The following ERCC8 variants were observed in gnomAD, a reference collection of about 807,000 sequenced individuals.
ERCC8 encodes ERCC excision repair 8, CSA ubiquitin ligase complex subunit, also known as DNA excision repair protein ERCC-8.
Under a neutral mutation model 54.9 loss-of-function variants are expected in ERCC8, and 52 were observed. That is an observed-to-expected ratio of 0.95 (90% CI 0.76 to 1.19). ERCC8 has a LOEUF of 1.19. ERCC8 is among the 50% of genes most tolerant of loss of function. The probability of loss-of-function intolerance (pLI) is 0.00; values close to 1 mark genes in which losing one functional copy is unlikely to be tolerated. For synonymous variants in ERCC8, 146 were observed against 157.2 expected, an observed-to-expected ratio of 0.93 and a Z score of 0.53; for missense variants, 514 against 466.1, an observed-to-expected ratio of 1.10 and a Z score of -0.95.
At chr5:60,909,199 T>C (rs1162168493) in intron 4 of ERCC8, among the ~76,000 whole-genome samples, 2 of 115,586 alleles carry the variant, frequency 1.7e-5, no homozygotes, top group Non-Finnish European at 3.3e-5. Context: ...ACAAAGGATA[T>C]CTGCCTGAAC....
At chr5:60,911,799 T>C (rs946628509) in intron 4 of ERCC8, among the ~76,000 whole-genome samples, 3 of 152,234 alleles carry the variant, frequency 2.0e-5, no homozygotes, top group East Asian at 1.9e-4. Flanking sequence ...CAGTTTCAGC[T>C]TTCTACATAT....
chr5:60,922,380 G>C (rs1438930948), intron 2 of ERCC8, among the ~76,000 whole-genome samples: 1 of 151,852 alleles, frequency 6.6e-6, no homozygotes, highest in East Asian at 1.9e-4. Context: ...ATCATTTCAA[G>C]TTTACTTCCA....
chr5:60,936,494 TTTG>T (rs1489490503), intron 1 of ERCC8, among the ~76,000 whole-genome samples: 1 of 152,170 alleles, frequency 6.6e-6, no homozygotes, highest in Non-Finnish European at 1.5e-5. Context: ...TCTTTTGTGT[TTTG>T]TTGTTGTTGT....
At chr5:60,916,085 C>T (rs764310097) in intron 4 of ERCC8, among the ~76,000 whole-genome samples, 1 of 152,020 alleles carries the variant, frequency 6.6e-6, no homozygotes, top group African/African-American at 2.4e-5. Context: ...CTTCAAATGT[C>T]TTCTGCTTCA....
intron 9 of ERCC8, 98 bp downstream of exon 9, chr5:60,898,177 TA>T: frequency 1.5e-6 from 2 of 1,332,828 alleles, no homozygotes; most frequent in Non-Finnish European, 2.1e-6. Flanking sequence ...CAGCTGTGAT[TA>T]AAAGGGAATA....
chr5:60,936,382 A>G (rs1580049796), intron 1 of ERCC8, among the ~76,000 whole-genome samples: 1 of 152,188 alleles, frequency 6.6e-6, no homozygotes, highest in East Asian at 1.9e-4. Context: ...TTTGTTTCTA[A>G]TTGAATTTAC....
At chr5:60,903,766 A>AGGAAAC in intron 5 of ERCC8, 50 bp from the exon 6 acceptor site, 1 of 1,564,870 alleles carries the variant, frequency 6.4e-7, no homozygotes, top group Non-Finnish European at 8.8e-7. Flanking sequence ...GTCATCATCA[A>AGGAAAC]AAGGAAACAA....
intron 3 of ERCC8, 57 bp from the exon 4 acceptor site, chr5:60,918,445 T>C: frequency 6.7e-7 from 1 of 1,495,546 alleles, no homozygotes; most frequent in Non-Finnish European, 9.2e-7. Flanking sequence ...TCAAAACTGG[T>C]ACTATATTAA....
rs182745004 is a variant in ERCC8, at chr5:60,936,188, T to C, written c.78-7229A>G. ...GGTAACTTTTTTATTACCATTTCAA[T>C]CTCATTGCTTGTTGCTGGTCTGTCC... is the stretch of plus-strand genomic sequence containing the variant. On this transcript the variant is annotated intron_variant, in intron 1 of 11. Coordinates refer to ENST00000676185, the MANE Select transcript of ERCC8 (RefSeq NM_000082.4). 5.3e-5 allele frequency among the ~76,000 whole-genome samples: 8 copies of C among 152,332 alleles called. No homozygotes were observed. In the East Asian group the frequency reaches 1.3e-3, roughly 26 times the overall value.
intron 11 of ERCC8, among the ~76,000 whole-genome samples, chr5:60,879,157 G>A (rs554566291): frequency 4.6e-5 from 7 of 152,310 alleles, no homozygotes; most frequent in Admixed American, 3.3e-4. Context: ...AGGTTGTTCA[G>A]TTTCCATGTA....
chr5:60,892,315 G>C (rs1471948499), intron 9 of ERCC8: 2 of 558,166 alleles, frequency 3.6e-6, no homozygotes, highest in East Asian at 9.5e-5. Context: ...TTTTGAGTGG[G>C]TCTGTGTCAC....
rs555505763 is a variant in ERCC8, at chr5:60,944,693, G to A, written c.77+239C>T. ...TTAGGTTTATAGTGTCTTCACCTGA[G>A]CCCGCGGGGGAACCCCCCCCCCACC... On this transcript the variant is annotated intron_variant, in intron 1 of 11. Transcript: ENST00000676185. Among the ~76,000 whole-genome samples the A allele has an allele frequency of 2.1e-3, 312 of 148,998 alleles. 1 individual carries two copies. Among genetic ancestry groups the A allele is most frequent in the Admixed American group, 4.7e-3 (71 of 14,990 alleles).
chr5:60,939,528 C>T (rs367680344), intron 1 of ERCC8, among the ~76,000 whole-genome samples: 28 of 152,140 alleles, frequency 1.8e-4, no homozygotes, highest in Middle Eastern at 6.8e-3. Context: ...GACAGAGTCT[C>T]GCTCTGTCAC....
chr5:60,940,893 C>T (rs1016184910), intron 1 of ERCC8, among the ~76,000 whole-genome samples: 1 of 152,152 alleles, frequency 6.6e-6, no homozygotes, highest in African/African-American at 2.4e-5. Flanking sequence ...CAAAATTTCC[C>T]TGCATATAAA....
chr5:60,934,009 AT>A (rs1749990082), intron 1 of ERCC8, among the ~76,000 whole-genome samples: 1 of 152,084 alleles, frequency 6.6e-6, no homozygotes, highest in Admixed American at 6.6e-5. Flanking sequence ...GGCTGGTTCT[AT>A]ATTTTTGCAC....
rs1195296048 is a variant in ERCC8, at chr5:60,922,129, A to G, written c.200T>C (p.Val67Ala). 8 of 1,609,602 alleles carry G rather than the reference A, an allele frequency of 5.0e-6. No homozygotes were observed. In the African/African-American group the frequency reaches 1.1e-4, roughly 22 times the overall value. ...GTTCTCAAGGTCATAAAGTACAATC[A>G]CACCATCTGAACCACCTGATAACAT... ...RYMLSGGSDGVIVLYDLENSS... is the reference protein window; with the variant it reads ...RYMLSGGSDGAIVLYDLENSS... The change falls in exon 3 of 12, where the codon GTG becomes GCG. Residue 67 changes from valine (V) to alanine (A), a missense_variant. Physicochemically the swap from Val to Ala is moderately conservative, Grantham distance 64. Transcript: ENST00000676185.
rs17392014 is a variant in ERCC8 at position 60,869,373 on chromosome 5, G to A, written c.*5242C>T. On this transcript the variant is annotated 3_prime_UTR_variant, in exon 12 of 12. Coordinates refer to ENST00000676185, the MANE Select transcript of ERCC8 (RefSeq NM_000082.4). Reference sequence around the variant, plus strand: ...TATTTTTCTACCACTGTCTCATTTCGATTTTAAATAATAAAGCTAATGGTG... The same window carrying A: ...TATTTTTCTACCACTGTCTCATTTCAATTTTAAATAATAAAGCTAATGGTG... Among the ~76,000 whole-genome samples the A allele has an allele frequency of 0.39, 58,861 of 151,880 alleles. 12,399 individuals carry two copies. The highest frequency in any genetic ancestry group is 0.8 in the East Asian group (4,150 of 5,176).
At chr5:60,918,516 G>T in intron 3 of ERCC8, 128 bp from the exon 4 acceptor site, 1 of 767,278 alleles carries the variant, frequency 1.3e-6, no homozygotes, top group Non-Finnish European at 2.2e-6. Context: ...ACATGCCTGT[G>T]TCCAAGCTGT....
intron 10 of ERCC8, among the ~76,000 whole-genome samples, chr5:60,889,307 TTTAC>T (rs1748481032): frequency 1.3e-5 from 2 of 152,238 alleles, no homozygotes; most frequent in East Asian, 1.9e-4. Flanking sequence ...AATTTATTAA[TTTAC>T]TTACTTATCC....
Sources: allele counts gnomAD v4.1 joint callset (sites outside exome capture counted in the v4.1 genomes callset), GRCh38; gene constraint gnomAD v4.1.1; transcripts MANE v1.5; gene names NCBI Gene and HGNC (gene_info 2026-07-23, HGNC 2026-07-21).